Variants in CYP2C8 observed in about 807,000 individuals in gnomAD.
CYP2C8 encodes cytochrome P450 2C8.
A neutral mutation model predicts 41.3 loss-of-function variants in CYP2C8; 51 were observed. The ratio of observed to expected loss-of-function variants is 1.24; its 90% CI spans 0.99 to 1.56. The LOEUF is 1.56. Ranked by LOEUF, CYP2C8 falls within the 40% of genes most tolerant of loss-of-function variation. The pLI, the probability that CYP2C8 is intolerant of heterozygous loss-of-function variation, is 0.00. For synonymous variants in CYP2C8, 218 were observed against 205.8 expected, an observed-to-expected ratio of 1.06 and a Z score of -0.51; for missense variants, 651 against 579.9, an observed-to-expected ratio of 1.12 and a Z score of -1.26.
intron 4 of CYP2C8, among the ~76,000 whole-genome samples, chr10:95,061,680 A>G (rs1307288842): frequency 6.6e-6 from 1 of 152,116 alleles, no homozygotes; most frequent in Non-Finnish European, 1.5e-5. Context: ...GCCTTCTGCT[A>G]GCTTTTGAAT....
intron 5 of CYP2C8, among the ~76,000 whole-genome samples, chr10:95,054,569 C>T (rs886835861): frequency 2.6e-5 from 4 of 151,970 alleles, no homozygotes; most frequent in African/African-American, 7.2e-5. Context: ...AACAATTAGA[C>T]AAGAAAGAGA....
At chr10:95,042,828 C>G in intron 7 of CYP2C8, 62 bp downstream of exon 7, 1 of 1,454,010 alleles carries the variant, frequency 6.9e-7, no homozygotes. Flanking sequence ...AGGGTTGGAA[C>G]CAAACCAGCA....
At chr10:95,038,523 A>G (rs1024288568) in intron 8 of CYP2C8, among the ~76,000 whole-genome samples, 3 of 152,306 alleles carry the variant, frequency 2.0e-5, no homozygotes, top group Admixed American at 2.0e-4. Flanking sequence ...GACAGACACC[A>G]TGTAGAAGAC....
chr10:95,054,673 A>G (rs1224071567), intron 5 of CYP2C8, among the ~76,000 whole-genome samples: 1 of 152,124 alleles, frequency 6.6e-6, no homozygotes, highest in Non-Finnish European at 1.5e-5. Context: ...TATAACCCAC[A>G]AAAAACAACT....
intron 3 of CYP2C8, among the ~76,000 whole-genome samples, chr10:95,065,197 C>T (rs1564742164): frequency 6.6e-6 from 1 of 152,144 alleles, no homozygotes; most frequent in Non-Finnish European, 1.5e-5. Context: ...CATCCACTGC[C>T]TTTATTTAAA....
chr10:95,068,219 C>T (rs1451780967), intron 1 of CYP2C8, among the ~76,000 whole-genome samples: 1 of 152,152 alleles, frequency 6.6e-6, no homozygotes, highest in Non-Finnish European at 1.5e-5. Context: ...TACAGTGTCA[C>T]CCCAGGTGAT....
chr10:95,064,788 TC>T lies in CYP2C8; in HGVS notation c.642+11del. On this transcript the variant is annotated intron_variant, in intron 4 of 8. Coordinates refer to ENST00000371270, the MANE Select transcript of CYP2C8 (RefSeq NM_000770.3). Reference sequence around the variant, plus strand: ...TAAATGGTTTCCAAGGAAAATAAAATCTTGGCCTTACCTGGATCCATGGGGA... The same window carrying T: ...TAAATGGTTTCCAAGGAAAATAAAATTTGGCCTTACCTGGATCCATGGGGA... 6.2e-7 allele frequency: 1 copy of T among 1,613,252 alleles called. No homozygotes were observed. The highest frequency in any genetic ancestry group is 8.5e-7 in the Non-Finnish European group (1 of 1,179,328).
At chr10:95,063,545 CT>C (rs1471956787) in intron 4 of CYP2C8, among the ~76,000 whole-genome samples, 1 of 152,056 alleles carries the variant, frequency 6.6e-6, no homozygotes, top group East Asian at 1.9e-4. Context: ...TTCATCTAAT[CT>C]TTTTTTAAGG....
chr10:95,068,679 A>T, intron 1 of CYP2C8: 5 of 1,088,504 alleles, frequency 4.6e-6, no homozygotes, highest in South Asian at 1.3e-5. Flanking sequence ...CACTGTATTA[A>T]ATGATTATAT....
chr10:95,039,041 G>A lies in CYP2C8; in HGVS notation c.1150-3C>T. On this transcript the variant is annotated splice_polypyrimidine_tract_variant and splice_region_variant and intron_variant, in intron 7 of 8. Transcript: ENST00000371270. ...AGTAATGCCATTATGGTTGTGCCCT[G>A]GAAGTAACAAAACAGATAATCTGAT... 1 of 1,612,708 alleles carries A rather than the reference G, an allele frequency of 6.2e-7. No homozygotes were observed. Among genetic ancestry groups the A allele is most frequent in the Non-Finnish European group, 8.5e-7 (1 of 1,178,754 alleles).
chr10:95,051,567 A>C (rs2033215171), intron 5 of CYP2C8, among the ~76,000 whole-genome samples: 1 of 152,116 alleles, frequency 6.6e-6, no homozygotes, highest in Non-Finnish European at 1.5e-5. Flanking sequence ...TTTAATAATA[A>C]AACTCCCAAA....
intron 4 of CYP2C8, among the ~76,000 whole-genome samples, chr10:95,062,660 T>C (rs944448181): frequency 3.9e-5 from 6 of 152,206 alleles, no homozygotes; most frequent in African/African-American, 1.4e-4. Flanking sequence ...AATATTGTTA[T>C]GCTTGAATTT....
Position 95,042,939 on chromosome 10 carries a change from G to C in CYP2C8, c.1100C>G (p.Pro367Arg). The C allele has an allele frequency of 6.2e-7, 1 of 1,614,106 alleles. No individual in the cohort carries two copies. Among genetic ancestry groups the C allele is most frequent in the South Asian group, 1.1e-5 (1 of 91,080 alleles). ...RYSDLVPTGVPHAVTTDTKFR... is the reference protein window; with the variant it reads ...RYSDLVPTGVRHAVTTDTKFR... ...CTTAGTATCAGTGGTCACTGCATGG[G>C]GCACACCGGTGGGGACAAGGTCACT... Residue 367 changes from proline (P) to arginine (R), a missense_variant, in exon 7 of 9, where the codon CCC becomes CGC. By Grantham distance (103) the Pro-to-Arg change is moderately radical. Transcript: ENST00000371270.
Position 95,069,434 on chromosome 10 carries a change from G to A in CYP2C8, c.-32C>T. ...CTTCTCTTCTTATTAAGACAGCTGT[G>A]AGCTTGCACTCCAAAGTTTTTATAA... On this transcript the variant is annotated 5_prime_UTR_variant, in exon 1 of 9. Transcript: ENST00000371270. The A allele has an allele frequency of 6.3e-7, 1 of 1,596,352 alleles. No individual in the cohort carries two copies. Among genetic ancestry groups the A allele is most frequent in the Non-Finnish European group, 8.6e-7 (1 of 1,164,646 alleles).
Position 95,043,169 on chromosome 10 carries a change from C to T in CYP2C8, c.962-92G>A. ...GGCCACATTAACATGATATAAAAAT[C>T]CCAGCAACATTACAAACATGAGTTA... On this transcript the variant is annotated intron_variant, in intron 6 of 8. Transcript: ENST00000371270. The T allele has an allele frequency of 2.5e-6, 3 of 1,185,208 alleles. No individual in the cohort carries two copies. The Admixed American group carries it at 5.4e-5, about 21-fold the overall frequency. The allele number at this position is 1,185,208 out of a possible 1,614,324, so 73.4% of individuals were successfully genotyped here.
At chr10:95,040,850 G>C (rs1334599116) in intron 7 of CYP2C8, 5 of 454,682 alleles carry the variant, frequency 1.1e-5, no homozygotes, top group Non-Finnish European at 4.4e-6. Context: ...ATACAACTAA[G>C]CAGTCACACG....
chr10:95,053,621 A>G (rs1205422057), intron 5 of CYP2C8, among the ~76,000 whole-genome samples: 1 of 152,194 alleles, frequency 6.6e-6, no homozygotes. Context: ...TTTCAGGGAC[A>G]TGGATGAAGC....
At chr10:95,039,976 A>G (rs1204290055) in intron 7 of CYP2C8, among the ~76,000 whole-genome samples, 1 of 152,224 alleles carries the variant, frequency 6.6e-6, no homozygotes, top group Admixed American at 6.5e-5. Flanking sequence ...GGTCTCAAAA[A>G]GGTCAACTGA....
chr10:95,068,968 C>G (rs1292892128), intron 1 of CYP2C8, among the ~76,000 whole-genome samples: 17 of 151,510 alleles, frequency 1.1e-4, no homozygotes, highest in Admixed American at 1.1e-3. Flanking sequence ...GAGGCTGAGG[C>G]AGGAGAATGG....
Sources: gnomAD v4.1 joint callset for allele counts (sites outside exome capture counted in the v4.1 genomes callset) on GRCh38, gnomAD v4.1.1 for gene constraint, MANE v1.5 for transcripts, NCBI Gene and HGNC (gene_info 2026-07-23, HGNC 2026-07-21) for gene names.